The following HCN3 variants were observed in gnomAD, a reference collection of about 807,000 sequenced individuals.
HCN3 encodes the protein potassium/sodium hyperpolarization-activated cyclic nucleotide-gated channel 3.
Under a neutral mutation model 56.8 loss-of-function variants are expected in HCN3, and 36 were observed. The observed-to-expected ratio is 0.63, with a 90% confidence interval of 0.49 to 0.84. HCN3 has a LOEUF of 0.84. Among genes scored for constraint, HCN3 ranks in the 40% least tolerant of loss-of-function variants. HCN3 has a pLI of 0.00. For synonymous variants in HCN3, 425 were observed against 439.7 expected, an observed-to-expected ratio of 0.97 and a Z score of 0.42; for missense variants, 930 against 1,079.3, an observed-to-expected ratio of 0.86 and a Z score of 1.94.
intron 6 of HCN3, among the ~76,000 whole-genome samples, 169 bp downstream of exon 6, chr1:155,286,133 TTTTG>T (rs748939749): frequency 8.4e-4 from 128 of 152,000 alleles, no homozygotes; most frequent in Admixed American, 3.1e-3. Flanking sequence ...GCTCTATAGT[TTTTG>T]TTTGTTTGTT....
intron 6 of HCN3, among the ~76,000 whole-genome samples, chr1:155,286,677 C>T (rs1674298881): frequency 1.3e-5 from 2 of 152,308 alleles, no homozygotes; most frequent in Non-Finnish European, 1.5e-5. Flanking sequence ...CAGCCTTCCA[C>T]TGCCCAAAGT....
chr1:155,280,755 T>C, intron 1 of HCN3, among the ~76,000 whole-genome samples: 1 of 125,212 alleles, frequency 8.0e-6, no homozygotes, highest in Non-Finnish European at 1.7e-5. Context: ...TTTTTTTTTT[T>C]TTTTTTTTTT....
At chr1:155,287,618 CCAACCCCCATCT>C (rs1176013250) in intron 7 of HCN3, among the ~76,000 whole-genome samples, 151 bp from the exon 8 acceptor site, 2 of 151,960 alleles carry the variant, frequency 1.3e-5, no homozygotes, top group African/African-American at 4.8e-5. Context: ...CCCTCTTCCT[CCAACCCCCATCT>C]CAACCCCCAT....
Position 155,282,417 on chromosome 1 carries a change from C to G in HCN3, c.285C>G (p.Tyr95Ter). ...IIHPYSDFRFYWDLIMLLLMV... is the reference protein window; with the variant it reads ...IIHPYSDFRF ...CATCTCACTCCCACCTTAGGTTTTACTGGGACCTGATCATGCTGCTGCTGA... is the reference window on the plus strand; with the variant it reads ...CATCTCACTCCCACCTTAGGTTTTAGTGGGACCTGATCATGCTGCTGCTGA... Residue 95 changes from tyrosine (Y) to a stop codon, truncating the protein, a stop_gained, in exon 2 of 8, where the codon TAC becomes TAG. Coordinates refer to ENST00000368358, the MANE Select transcript of HCN3 (RefSeq NM_020897.3). LOFTEE classifies it high-confidence loss of function. The surrounding 1 kb of genome is among the most constrained non-coding windows in gnomAD (Gnocchi z 4.7). 1.9e-6 allele frequency: 3 copies of G among 1,614,122 alleles called. No homozygotes were observed. Among genetic ancestry groups the G allele is most frequent in the Non-Finnish European group, 2.5e-6 (3 of 1,179,976 alleles).
rs775699845 is a variant in HCN3, at chr1:155,287,257, A to T, written c.1562A>T (p.His521Leu). 1 of 1,613,878 alleles carries T rather than the reference A, an allele frequency of 6.2e-7. No homozygotes were observed. Among genetic ancestry groups the T allele is most frequent in the African/African-American group, 1.3e-5 (1 of 74,860 alleles). ...YCRLYSLSVD[H>L]FNAVLEEFPM... ...CGCCTTTACTCACTCAGCGTGGACCATTTCAATGCTGTGCTTGAGGAGTTC... is the reference window on the plus strand; with the variant it reads ...CGCCTTTACTCACTCAGCGTGGACCTTTTCAATGCTGTGCTTGAGGAGTTC... Residue 521 changes from histidine (H) to leucine (L), a missense_variant, in exon 7 of 8, where the codon CAT becomes CTT. By Grantham distance (99) the His-to-Leu change is moderately conservative (BLOSUM62 -3). Transcript: ENST00000368358.
At chr1:155,283,041 C>T (rs943133078) in intron 2 of HCN3, among the ~76,000 whole-genome samples, 1 of 151,406 alleles carries the variant, frequency 6.6e-6, no homozygotes, top group Non-Finnish European at 1.5e-5. Flanking sequence ...AATGAGGGTT[C>T]GGGGGATGGG....
Position 155,282,910 on chromosome 1 carries a change from G to T in HCN3, c.708+70G>T. The stretch of plus-strand genomic sequence containing the variant: ...GGGGGAGAAGGGGGCGGGGCGGCTG[G>T]TGGACTTCTCTAGGAAGATGCTATG... On this transcript the variant is annotated intron_variant, in intron 2 of 7. Coordinates refer to ENST00000368358, the MANE Select transcript of HCN3 (RefSeq NM_020897.3). The surrounding 1 kb of genome is among the most constrained non-coding windows in gnomAD (Gnocchi z 4.7). The T allele has an allele frequency of 1.4e-6, 2 of 1,407,110 alleles. 1 individual carries two copies. The highest frequency in any genetic ancestry group is 2.6e-5 in the South Asian group (2 of 75,818). The allele number at this position is 1,407,110 out of a possible 1,614,324, so 87.2% of individuals were successfully genotyped here.
At chr1:155,280,240 G>T (rs1393133728) in intron 1 of HCN3, among the ~76,000 whole-genome samples, 2 of 146,820 alleles carry the variant, frequency 1.4e-5, no homozygotes, top group African/African-American at 5.1e-5. Flanking sequence ...CCACCACACC[G>T]GCAAATTTTT....
rs1350821375 is a variant in HCN3, at chr1:155,284,233, T to C, written c.870+98T>C. 1 of 1,412,252 alleles carries C rather than the reference T, an allele frequency of 7.1e-7. No individual in the cohort carries two copies. Among genetic ancestry groups the C allele is most frequent in the East Asian group, 2.3e-5 (1 of 42,796 alleles). 87.5% of individuals were successfully genotyped at this position (1,412,252 alleles called of 1,614,324 possible). ...ACAGGGAGCAGGAGGTGGGAGATGATCACAACAGAAAATAGGAGCGAGGAG... is the reference window on the plus strand; with the variant it reads ...ACAGGGAGCAGGAGGTGGGAGATGACCACAACAGAAAATAGGAGCGAGGAG... On this transcript the variant is annotated intron_variant, in intron 3 of 7. Transcript: ENST00000368358. The surrounding 1 kb of genome is among the most constrained non-coding windows in gnomAD (Gnocchi z 4.3).
Position 155,288,195 on chromosome 1 carries a change from C to A in HCN3, c.2057C>A (p.Ala686Glu). ...ACCCTGCACGCCAGCCTATCCCGGG[C>A]AGGGCGCTCCCAGGTCTCCCTGCTG... is the stretch of plus-strand genomic sequence containing the variant. Reference protein sequence around the residue: ...ARTLHASLSRAGRSQVSLLGP... With the variant: ...ARTLHASLSREGRSQVSLLGP... The change falls in exon 8 of 8, where the codon GCA (alanine) becomes GAA (glutamate). Residue 686 changes from alanine (A) to glutamate (E), a missense_variant. By Grantham distance (107) the Ala-to-Glu change is moderately radical. Coordinates refer to ENST00000368358, the MANE Select transcript of HCN3 (RefSeq NM_020897.3). This position sits in a 1 kb window ranked among gnomAD's most constrained non-coding sequence, Gnocchi z 6.5. 1 of 1,574,658 alleles carries A rather than the reference C, an allele frequency of 6.4e-7. No individual in the cohort carries two copies. The highest frequency in any genetic ancestry group is 8.6e-7 in the Non-Finnish European group (1 of 1,165,192).
At position 155,282,864 on chromosome 1, in the gene HCN3, G is replaced by T. The variant is rs1260615427; in HGVS notation, c.708+24G>T. On this transcript the variant is annotated intron_variant, in intron 2 of 7. Transcript: ENST00000368358. The surrounding 1 kb of genome is among the most constrained non-coding windows in gnomAD (Gnocchi z 4.7). ...AGGTGGGGTGGGGAGATGGCGGGCGGGGCAGTGGGTGGGGGATGTTGGGGG... is the reference window on the plus strand; with the variant it reads ...AGGTGGGGTGGGGAGATGGCGGGCGTGGCAGTGGGTGGGGGATGTTGGGGG... The T allele has an allele frequency of 1.3e-6, 2 of 1,554,348 alleles. No individual in the cohort carries two copies. Among genetic ancestry groups the T allele is most frequent in the South Asian group, 1.2e-5 (1 of 85,512 alleles).
At chr1:155,283,621 A>G (rs1674162236) in intron 2 of HCN3, among the ~76,000 whole-genome samples, 1 of 140,494 alleles carries the variant, frequency 7.1e-6, no homozygotes, top group African/African-American at 2.7e-5. Context: ...ATTCTTACAC[A>G]TATGCCCTGG....
At chr1:155,280,311 C>T (rs1440041228) in intron 1 of HCN3, among the ~76,000 whole-genome samples, 1 of 151,854 alleles carries the variant, frequency 6.6e-6, no homozygotes, top group Non-Finnish European at 1.5e-5. Flanking sequence ...CTCGCCCAGG[C>T]TAGAGGGCAG....
chr1:155,277,974 C>G (rs1332606284), intron 1 of HCN3, 106 bp downstream of exon 1: 2 of 1,366,036 alleles, frequency 1.5e-6, no homozygotes, highest in Non-Finnish European at 2.0e-6. Flanking sequence ...TCATTTCCAG[C>G]CCGGGGTCCC....
chr1:155,286,326 T>C lies in HCN3; in HGVS notation c.1477+362T>C, dbSNP rs558388981. On this transcript the variant is annotated intron_variant, in intron 6 of 7. Transcript: ENST00000368358. The stretch of plus-strand genomic sequence containing the variant: ...ACGCCTGGCTAATTTTTTGTATTTT[T>C]AGTAGAGACGGGGTTTCACTGTGTT... 2.7e-4 allele frequency among the ~76,000 whole-genome samples: 41 copies of C among 152,274 alleles called. No individual in the cohort carries two copies. In the East Asian group the frequency reaches 3.9e-3, roughly 14 times the overall value.
Position 155,277,766 on chromosome 1 carries a change from A to G in HCN3, c.176A>G (p.Lys59Arg), listed in dbSNP as rs758626432. The part of the protein sequence containing the change: ...LGTLLQPTVN[K>R]FSLRVFGSHK... ...ACGCTGCTCCAGCCTACGGTCAACA[A>G]GTTCTCCCTTCGGGTGTTCGGCAGC... is the stretch of plus-strand genomic sequence containing the variant. The change falls in exon 1 of 8, where the codon AAG becomes AGG. Residue 59 changes from lysine (K) to arginine (R), a missense_variant. Physicochemically the swap from Lys to Arg is conservative, Grantham distance 26. Coordinates refer to ENST00000368358, the MANE Select transcript of HCN3 (RefSeq NM_020897.3). The G allele has an allele frequency of 6.2e-7, 1 of 1,609,726 alleles. No homozygotes were observed. Among genetic ancestry groups the G allele is most frequent in the South Asian group, 1.1e-5 (1 of 90,298 alleles).
At chr1:155,277,929 C>G (rs1043237298) in intron 1 of HCN3, 61 bp downstream of exon 1, 1 of 1,545,546 alleles carries the variant, frequency 6.5e-7, no homozygotes, top group Non-Finnish European at 8.8e-7. Context: ...GGCAGCGACA[C>G]CGGGACCCGG....
chr1:155,287,596 C>G (rs1674340459), intron 7 of HCN3, among the ~76,000 whole-genome samples, 185 bp from the exon 8 acceptor site: 1 of 151,974 alleles, frequency 6.6e-6, no homozygotes. Flanking sequence ...CCCTCGCTGT[C>G]TCTGATACAT....
At position 155,277,570 on chromosome 1, in the gene HCN3, C is replaced by A. The variant is rs776140359; in HGVS notation, c.-21C>A. 2.6e-4 allele frequency: 405 copies of A among 1,552,474 alleles called. 2 individuals are homozygous for A. The Middle Eastern group carries it at 3.5e-3, about 13-fold the overall frequency. ...CCACAGAGGGCTCTAGGAGGCCGAG[C>A]GTGTAAGCGGGGTGGGCGCCATGGA... is the stretch of plus-strand genomic sequence containing the variant. On this transcript the variant is annotated 5_prime_UTR_variant, in exon 1 of 8. Transcript: ENST00000368358.
Sources: gnomAD v4.1 joint callset for allele counts (sites outside exome capture counted in the v4.1 genomes callset) on GRCh38, gnomAD v4.1.1 for gene constraint, Gnocchi (gnomAD v3.1) non-coding constraint, MANE v1.5 for transcripts, NCBI Gene and HGNC (gene_info 2026-07-23, HGNC 2026-07-21) for gene names.